Variants in SH3KBP1 observed in about 807,000 individuals in gnomAD.
SH3KBP1 encodes SH3 domain containing kinase binding protein 1, also known as SH3 domain-containing kinase-binding protein 1.
A neutral mutation model predicts 50.1 loss-of-function variants in SH3KBP1; 8 were observed. The ratio of observed to expected loss-of-function variants is 0.16; its 90% CI spans 0.09 to 0.29. SH3KBP1 has a LOEUF of 0.29. Among genes scored for constraint, SH3KBP1 ranks in the 10% least tolerant of loss-of-function variants. The pLI, the probability that SH3KBP1 is intolerant of heterozygous loss-of-function variation, is 1.00. For synonymous variants in SH3KBP1, 227 were observed against 218.6 expected, an observed-to-expected ratio of 1.04 and a Z score of -0.34; for missense variants, 377 against 535.2, an observed-to-expected ratio of 0.70 and a Z score of 2.92.
At chrX:19,832,986 C>T (rs1015116596) in intron 2 of SH3KBP1, among the ~76,000 whole-genome samples, 4 of 112,376 alleles carry the variant, frequency 3.6e-5, no homozygotes, top group Non-Finnish European at 5.6e-5. Flanking sequence ...CAGTGCCTTC[C>T]AACTCAGTTC....
intron 3 of SH3KBP1, among the ~76,000 whole-genome samples, chrX:19,732,964 C>T (rs1265878711): frequency 9.0e-6 from 1 of 111,646 alleles, no homozygotes; most frequent in Non-Finnish European, 1.9e-5. Flanking sequence ...AAAACTGTAA[C>T]ACTTGACTCA....
rs551976103 is a variant in SH3KBP1, at chrX:19,840,691, T to C, written c.5-4409A>G. On this transcript the variant is annotated intron_variant, in intron 1 of 17. Coordinates refer to ENST00000397821, the MANE Select transcript of SH3KBP1 (RefSeq NM_031892.3). ...ACTGCAGGAAGGATGAAACATTACC[T>C]ATGATTTTTTTAAAGTGGTACCCTT... 2.7e-5 allele frequency among the ~76,000 whole-genome samples: 3 copies of C among 112,630 alleles called. No homozygotes were observed. In the South Asian group the frequency reaches 1.1e-3, roughly 41 times the overall value.
intron 2 of SH3KBP1, among the ~76,000 whole-genome samples, chrX:19,749,845 T>C (rs909705460): frequency 1.6e-4 from 18 of 112,246 alleles, no homozygotes; most frequent in South Asian, 3.7e-4. Flanking sequence ...ATAAAATGAA[T>C]AGAAGACTCC....
At chrX:19,853,045 G>C (rs149729940) in intron 1 of SH3KBP1, among the ~76,000 whole-genome samples, 1,591 of 112,768 alleles carry the variant, frequency 0.014, 31 homozygotes, top group African/African-American at 0.049. Context: ...CAGGTGAGAA[G>C]AGAATTTGAG....
intron 2 of SH3KBP1, among the ~76,000 whole-genome samples, chrX:19,768,978 T>G (rs2065700341): frequency 1.8e-5 from 2 of 109,815 alleles, no homozygotes; most frequent in South Asian, 7.8e-4. Flanking sequence ...CCATGTAAAG[T>G]GTCCTGTCCT....
chrX:19,822,043 G>GTCAT (rs780918946), intron 2 of SH3KBP1, among the ~76,000 whole-genome samples: 1 of 112,173 alleles, frequency 8.9e-6, no homozygotes, highest in Non-Finnish European at 1.9e-5. Context: ...GAAATTCATT[G>GTCAT]TCATTCAAAT....
intron 1 of SH3KBP1, among the ~76,000 whole-genome samples, chrX:19,871,184 T>G (rs776208703): frequency 2.7e-5 from 3 of 112,512 alleles, no homozygotes; most frequent in Non-Finnish European, 3.8e-5. Context: ...TTGGTTTAAC[T>G]GCTTATTTTG....
intron 13 of SH3KBP1, among the ~76,000 whole-genome samples, chrX:19,558,674 T>C (rs1045734644): frequency 8.9e-6 from 1 of 112,291 alleles, no homozygotes; most frequent in South Asian, 3.7e-4. Context: ...TAAAAACATG[T>C]ATAGAAATTG....
intron 1 of SH3KBP1, 51 bp from the exon 2 acceptor site, chrX:19,836,333 C>G: frequency 1.9e-6 from 2 of 1,077,198 alleles, no homozygotes; most frequent in Non-Finnish European, 2.6e-6. Flanking sequence ...TTGGAGAAGG[C>G]TGAGGTCCAG....
chrX:19,710,630 C>A (rs2063755592), intron 3 of SH3KBP1, among the ~76,000 whole-genome samples: 1 of 111,472 alleles, frequency 9.0e-6, no homozygotes, highest in Non-Finnish European at 1.9e-5. Context: ...TGGTGTTAAT[C>A]TCTTCCTGCG....
Position 19,861,412 on chromosome X carries a change from TA to T in SH3KBP1, c.5-25131del, listed in dbSNP as rs374607436. On this transcript the variant is annotated intron_variant, in intron 1 of 17. Transcript: ENST00000397821. ...ATAAAAAATAAATAAAAATAAATAA[TA>T]AAAAAAATAGCAATCCACACTAAAA... 1.0e-3 allele frequency among the ~76,000 whole-genome samples: 110 copies of T among 109,408 alleles called. 1 individual carries two copies. Among genetic ancestry groups the T allele is most frequent in the South Asian group, 6.2e-3 (16 of 2,595 alleles).
At chrX:19,787,785 C>T (rs1190291824) in intron 2 of SH3KBP1, among the ~76,000 whole-genome samples, 1 of 111,636 alleles carries the variant, frequency 9.0e-6, no homozygotes, top group Non-Finnish European at 1.9e-5. Context: ...CATTCAATCA[C>T]TCTATATTGA....
intron 1 of SH3KBP1, among the ~76,000 whole-genome samples, chrX:19,838,850 G>A (rs2068131905): frequency 1.1e-5 from 1 of 93,018 alleles, no homozygotes; most frequent in African/African-American, 4.2e-5. Flanking sequence ...TCATGCCGCT[G>A]TACTCCAGCC....
chrX:19,722,465 T>C (rs773042019), intron 3 of SH3KBP1, among the ~76,000 whole-genome samples: 1 of 111,329 alleles, frequency 9.0e-6, no homozygotes, highest in Non-Finnish European at 1.9e-5. Flanking sequence ...AAGAGGTCAC[T>C]AGGGCTTCCA....
rs749124191 is a variant in SH3KBP1, at chrX:19,757,776, T to C, written c.163-11335A>G. On this transcript the variant is annotated intron_variant, in intron 2 of 17. Transcript: ENST00000397821. ...TTGGCAAATAAACTTCCTAAAATGATTGAGACTTGTCTCATCATTTTTCTT... is the reference window on the plus strand; with the variant it reads ...TTGGCAAATAAACTTCCTAAAATGACTGAGACTTGTCTCATCATTTTTCTT... Among the ~76,000 whole-genome samples the C allele has an allele frequency of 6.3e-5, 7 of 111,173 alleles. No individual in the cohort carries two copies. In the East Asian group the frequency reaches 2.0e-3, roughly 31 times the overall value.
In SH3KBP1 at chrX:19,610,875, CA is replaced by C. The variant is rs200114966; in HGVS notation, c.898-2831del. Among the ~76,000 whole-genome samples the C allele has an allele frequency of 1.2e-3, 134 of 110,300 alleles. 1 individual carries two copies. The highest frequency in any genetic ancestry group is 2.0e-3 in the Non-Finnish European group (105 of 52,555). Reference sequence around the variant, plus strand: ...CAGAACTATGCCCACAAAAGGCATTCAAAAAAAAACTATCTTTTTTTGCAGG... The same window carrying C: ...CAGAACTATGCCCACAAAAGGCATTCAAAAAAAACTATCTTTTTTTGCAGG... On this transcript the variant is annotated intron_variant, in intron 8 of 17. Coordinates refer to ENST00000397821, the MANE Select transcript of SH3KBP1 (RefSeq NM_031892.3).
chrX:19,832,343 A>G (rs1253937395), intron 2 of SH3KBP1, among the ~76,000 whole-genome samples: 2 of 112,048 alleles, frequency 1.8e-5, no homozygotes, highest in Non-Finnish European at 3.8e-5. Context: ...AATTTCCAGC[A>G]TTCTCTGGTT....
chrX:19,674,859 A>AC (rs994799445), intron 6 of SH3KBP1, among the ~76,000 whole-genome samples: 1 of 111,326 alleles, frequency 9.0e-6, no homozygotes, highest in Non-Finnish European at 1.9e-5. Flanking sequence ...GAGGTGGATC[A>AC]CCGGAGGTCA....
chrX:19,773,483 TCACACA>T (rs1255632137), intron 2 of SH3KBP1, among the ~76,000 whole-genome samples: 1 of 94,633 alleles, frequency 1.1e-5, no homozygotes, highest in Admixed American at 1.2e-4. Flanking sequence ...TCTCTCTCTC[TCACACA>T]CACAAACACA....
Sources: allele counts gnomAD v4.1 joint callset (sites outside exome capture counted in the v4.1 genomes callset), GRCh38; gene constraint gnomAD v4.1.1; transcripts MANE v1.5; gene names NCBI Gene and HGNC (gene_info 2026-07-23, HGNC 2026-07-21).